The following WNK2 variants were observed in gnomAD, a reference collection of about 807,000 sequenced individuals.
The protein encoded by WNK2 is WNK lysine deficient protein kinase 2, also known as serine/threonine-protein kinase WNK2.
WNK2 carries 67 observed loss-of-function variants against 192.1 expected under a neutral mutation model. The observed-to-expected ratio is 0.35, with a 90% CI of 0.29 to 0.43. The LOEUF (loss-of-function observed/expected upper bound fraction) is 0.43, where lower values mean the gene tolerates loss of function less well. WNK2 is among the 20% of genes least tolerant of loss of function. The pLI is 1.00. For missense variants in WNK2, 2,698 were observed against 3,089.7 expected (o/e 0.87, Z 3.01); for synonymous variants, 1,439 against 1,393.9 (o/e 1.03, Z -0.72).
chr9:93,300,651 G>C lies in WNK2; in HGVS notation c.6214+502G>C, dbSNP rs1405846908. Among the ~76,000 whole-genome samples the C allele has an allele frequency of 1.3e-5, 2 of 152,154 alleles. 1 individual carries two copies. The highest frequency in any genetic ancestry group is 4.1e-4 in the South Asian group (2 of 4,830). On this transcript the variant is annotated intron_variant, in intron 26 of 29. Transcript: ENST00000427277. ...TGGACTGTGAAGACATGCACATAGC[G>C]AGCCTATACGGTTCTAAAGGTCACT...
At chr9:93,304,410 C>A (rs1367550658) in intron 26 of WNK2, among the ~76,000 whole-genome samples, 1 of 152,268 alleles carries the variant, frequency 6.6e-6, no homozygotes, top group Non-Finnish European at 1.5e-5. Flanking sequence ...AGCAGCGGAT[C>A]CCCCAACAGC....
At chr9:93,258,559 A>G (rs1218549551) in intron 11 of WNK2, among the ~76,000 whole-genome samples, 1 of 152,122 alleles carries the variant, frequency 6.6e-6, no homozygotes, top group Non-Finnish European at 1.5e-5. Context: ...ACCTGTGGTC[A>G]CTGCTCCTGC....
chr9:93,315,124 G>A (rs1222347256), intron 28 of WNK2, among the ~76,000 whole-genome samples: 2 of 152,176 alleles, frequency 1.3e-5, no homozygotes, highest in African/African-American at 4.8e-5. Context: ...TACCAGGAAA[G>A]CCACGTTTCA....
At chr9:93,308,750 G>C (rs1303665442) in intron 28 of WNK2, 166 bp downstream of exon 28, 4 of 1,404,238 alleles carry the variant, frequency 2.8e-6, no homozygotes, top group Non-Finnish European at 3.7e-6. Context: ...CCACTTTACA[G>C]ATTGGGAGGT....
chr9:93,266,177 G>A (rs956352026), intron 16 of WNK2, among the ~76,000 whole-genome samples: 1 of 152,190 alleles, frequency 6.6e-6, no homozygotes. Context: ...TGTGGGACAG[G>A]CGCTGTTTAG....
chr9:93,299,398 A>C, intron 25 of WNK2, 137 bp downstream of exon 25: 1 of 881,078 alleles, frequency 1.1e-6, no homozygotes, highest in Non-Finnish European at 1.6e-6. Context: ...TTTAAAAAGG[A>C]TAAAAAAAAA....
At chr9:93,198,019 G>A (rs1831594953) in intron 2 of WNK2, among the ~76,000 whole-genome samples, 1 of 152,190 alleles carries the variant, frequency 6.6e-6, no homozygotes, top group Admixed American at 6.5e-5. Context: ...TGAGAGGGAG[G>A]TGCTGTGATT....
At chr9:93,285,398 A>G (rs1848307173) in intron 19 of WNK2, among the ~76,000 whole-genome samples, 1 of 152,250 alleles carries the variant, frequency 6.6e-6, no homozygotes, top group Non-Finnish European at 1.5e-5. Flanking sequence ...TAAGTTAGCA[A>G]AGTAGCTACA....
chr9:93,260,669 T>A (rs747603419), intron 12 of WNK2, among the ~76,000 whole-genome samples: 1 of 152,166 alleles, frequency 6.6e-6, no homozygotes, highest in Non-Finnish European at 1.5e-5. Context: ...TCCAGAGGGC[T>A]TTGTGCATAG....
At chr9:93,236,369 C>T (rs1334052708) in intron 5 of WNK2, among the ~76,000 whole-genome samples, 1 of 152,144 alleles carries the variant, frequency 6.6e-6, no homozygotes, top group Non-Finnish European at 1.5e-5. Context: ...GGCTCCAGCA[C>T]CCAGGGCAGG....
intron 29 of WNK2, chr9:93,318,619 T>G (rs1438819480): frequency 6.3e-7 from 1 of 1,593,258 alleles, no homozygotes; most frequent in African/African-American, 1.3e-5. Flanking sequence ...TGGAGACAAG[T>G]GCAGCTCCTC....
rs142934124 is a variant in WNK2 at position 93,247,604 on chromosome 9, G to A, written c.1604G>A (p.Arg535His). 1 of 1,605,256 alleles carries A rather than the reference G, an allele frequency of 6.2e-7. No homozygotes were observed. The highest frequency in any genetic ancestry group is 8.5e-7 in the Non-Finnish European group (1 of 1,176,312). ...VKIVAKSIRD[R>H]VALIQWRRER... ...ATCGTGGCCAAGTCCATCCGTGACC[G>A]CGTGGCCTTGATCCAGTGGCGGCGG... Residue 535 changes from arginine (R) to histidine (H), a missense_variant, in exon 8 of 30, where the codon CGC (arginine) becomes CAC (histidine). This residue lies in a region of WNK2 where 230 missense variants were observed against 501.1 expected (regional missense o/e 0.46). Transcript: ENST00000427277. This position sits in a 1 kb window ranked among gnomAD's most constrained non-coding sequence, Gnocchi z 5.2.
Position 93,253,143 on chromosome 9 carries a change from G to C in WNK2, c.2034+61G>C. On this transcript the variant is annotated intron_variant, in intron 9 of 29. Transcript: ENST00000427277. ...CCCCATTACCTGGTCTGAGGGCCCTGAGGGCTCTAAATTCTGTGATGGGCT... is the reference window on the plus strand; with the variant it reads ...CCCCATTACCTGGTCTGAGGGCCCTCAGGGCTCTAAATTCTGTGATGGGCT... 6 of 1,316,022 alleles carry C rather than the reference G, an allele frequency of 4.6e-6. No individual in the cohort carries two copies. In the South Asian group the frequency reaches 1.1e-4, roughly 25 times the overall value. 81.5% of individuals were successfully genotyped at this position (1,316,022 alleles called of 1,614,324 possible).
Position 93,264,013 on chromosome 9 carries a change from G to C in WNK2, c.3676G>C (p.Asp1226His). The C allele has an allele frequency of 6.2e-7, 1 of 1,613,024 alleles. No individual in the cohort carries two copies. The highest frequency in any genetic ancestry group is 8.5e-7 in the Non-Finnish European group (1 of 1,179,596). Residue 1226 changes from aspartate to histidine, a missense_variant, in exon 16 of 30, where the codon GAT (aspartate) becomes CAT (histidine). Coordinates refer to ENST00000427277, the MANE Select transcript of WNK2 (RefSeq NM_006648.4). ...FKFDLDGDAPDEIATYMVEHD... is the reference protein window; with the variant it reads ...FKFDLDGDAPHEIATYMVEHD... ...GTTCGACTTGGACGGGGACGCACCC[G>C]ATGAAATTGCCACGTATATGGTGAG...
At chr9:93,300,173 T>C in intron 26 of WNK2, 24 bp downstream of exon 26, 3 of 1,595,542 alleles carry the variant, frequency 1.9e-6, no homozygotes, top group Non-Finnish European at 2.6e-6. Context: ...CTTTTGTATT[T>C]TATCACCTCC....
chr9:93,261,709 G>A, intron 12 of WNK2, 105 bp from the exon 13 acceptor site: 2 of 1,353,176 alleles, frequency 1.5e-6, no homozygotes. Flanking sequence ...GTCTGGAGAG[G>A]GGTGTTCCCA....
chr9:93,216,307 C>T (rs1252418755), intron 2 of WNK2, among the ~76,000 whole-genome samples: 1 of 152,038 alleles, frequency 6.6e-6, no homozygotes, highest in Admixed American at 6.6e-5. Flanking sequence ...AAATGTGAGC[C>T]ATATGTGCAA....
intron 2 of WNK2, among the ~76,000 whole-genome samples, chr9:93,228,937 G>T (rs987997333): frequency 5.3e-5 from 8 of 152,184 alleles, no homozygotes; most frequent in Non-Finnish European, 7.3e-5. Flanking sequence ...AGGGTGGCCA[G>T]TGCTGAGTGG....
Position 93,267,879 on chromosome 9 carries a change from C to G in WNK2, c.3830C>G (p.Pro1277Arg). 1 of 1,612,744 alleles carries G rather than the reference C, an allele frequency of 6.2e-7. No individual in the cohort carries two copies. The highest frequency in any genetic ancestry group is 8.5e-7 in the Non-Finnish European group (1 of 1,179,620). Residue 1277 changes from proline (P) to arginine (R), a missense_variant, in exon 17 of 30, where the codon CCG becomes CGG. Around this residue, in one of 7 missense-constraint regions of WNK2, gnomAD observed 1,098 missense variants for 1,101.0 expected, o/e 1.00. Transcript: ENST00000427277. ...CGTGGCTCCGACCCAGGGACCAGCC[C>G]GCCACACCTCAGCACCTGCGGCCTG... ...ADRGSDPGTS[P>R]PHLSTCGLGT... is the part of the protein sequence containing the mutation.
Sources: gnomAD v4.1 joint callset for allele counts (sites outside exome capture counted in the v4.1 genomes callset) on GRCh38, gnomAD v4.1.1 for gene constraint, gnomAD v4.1.1 regional missense constraint, Gnocchi (gnomAD v3.1) non-coding constraint, MANE v1.5 for transcripts, NCBI Gene and HGNC (gene_info 2026-07-23, HGNC 2026-07-21) for gene names.